Variants in PXDNL observed in about 807,000 individuals in gnomAD.
The protein encoded by PXDNL is peroxidasin like.
PXDNL carries 145 observed loss-of-function variants against 150.8 expected under a neutral mutation model. The ratio of observed to expected loss-of-function variants is 0.96; its 90% CI spans 0.84 to 1.10. The LOEUF (loss-of-function observed/expected upper bound fraction) is 1.10, where lower values mean the gene tolerates loss of function less well. Ranked by LOEUF, PXDNL falls within the 50% of genes least tolerant of loss-of-function variation. PXDNL has a pLI of 0.00. For missense variants in PXDNL, 2,087 were observed against 1,873.9 expected, an observed-to-expected ratio of 1.11 and a Z score of -2.10; for synonymous variants, 757 against 725.7, an observed-to-expected ratio of 1.04 and a Z score of -0.69.
intron 4 of PXDNL, among the ~76,000 whole-genome samples, chr8:51,532,777 T>C (rs1197221267): frequency 1.3e-5 from 2 of 152,196 alleles, no homozygotes; most frequent in East Asian, 1.9e-4. Context: ...CCCTGGAACA[T>C]GGATGCAGAG....
chr8:51,516,360 G>C (rs1811539413), intron 4 of PXDNL, among the ~76,000 whole-genome samples: 2 of 152,122 alleles, frequency 1.3e-5, no homozygotes, highest in Non-Finnish European at 2.9e-5. Flanking sequence ...ATTTTCACTT[G>C]GGCTGTAGAG....
At chr8:51,801,043 T>C (rs1002699258) in intron 1 of PXDNL, among the ~76,000 whole-genome samples, 2 of 152,172 alleles carry the variant, frequency 1.3e-5, no homozygotes, top group African/African-American at 4.8e-5. Context: ...ATTTTTCTTT[T>C]TGCAGAGAGC....
At position 51,725,041 on chromosome 8, in the gene PXDNL, G is replaced by A. The variant is rs115437086; in HGVS notation, c.165-70281C>T. Among the ~76,000 whole-genome samples the A allele has an allele frequency of 6.0e-3, 914 of 152,092 alleles. 12 individuals are homozygous for A. Among genetic ancestry groups the A allele is most frequent in the African/African-American group, 0.021 (871 of 41,472 alleles). ...CTCACTCTGTCACCCAGGCTGGAGT[G>A]CAGTGGCACCATTATGGCTCTCTGC... is the stretch of plus-strand genomic sequence containing the variant. On this transcript the variant is annotated intron_variant, in intron 1 of 22. Coordinates refer to ENST00000356297, the MANE Select transcript of PXDNL (RefSeq NM_144651.5).
At chr8:51,446,312 A>G (rs1046677749) in intron 12 of PXDNL, among the ~76,000 whole-genome samples, 3 of 152,254 alleles carry the variant, frequency 2.0e-5, no homozygotes, top group Non-Finnish European at 4.4e-5. Flanking sequence ...TTAGGAAATT[A>G]TATCAAAATG....
At chr8:51,380,146 A>G (rs2130807858) in intron 17 of PXDNL, among the ~76,000 whole-genome samples, 1 of 152,260 alleles carries the variant, frequency 6.6e-6, no homozygotes, top group Non-Finnish European at 1.5e-5. Flanking sequence ...AAAAATAACA[A>G]AAAAACTCAT....
intron 3 of PXDNL, among the ~76,000 whole-genome samples, chr8:51,565,341 GATAA>G (rs1333328349): frequency 5.6e-5 from 8 of 142,632 alleles, no homozygotes; most frequent in South Asian, 2.2e-4. Context: ...TAGATAGATA[GATAA>G]ATAAATAAAT....
chr8:51,538,572 G>T (rs898203557), intron 4 of PXDNL, among the ~76,000 whole-genome samples: 13 of 151,988 alleles, frequency 8.6e-5, no homozygotes, highest in African/African-American at 3.1e-4. Flanking sequence ...TTGAGACCAG[G>T]CTGGCCAACA....
chr8:51,586,814 A>G (rs1466661347), intron 3 of PXDNL, among the ~76,000 whole-genome samples: 1 of 152,242 alleles, frequency 6.6e-6, no homozygotes, highest in East Asian at 1.9e-4. Flanking sequence ...GGAGTTCAAA[A>G]GGACAAAGCT....
At chr8:51,552,707 G>A (rs893200000) in intron 4 of PXDNL, among the ~76,000 whole-genome samples, 2 of 152,132 alleles carry the variant, frequency 1.3e-5, no homozygotes, top group African/African-American at 2.4e-5. Context: ...AGGGATCAAA[G>A]ACTACACATT....
intron 19 of PXDNL, among the ~76,000 whole-genome samples, chr8:51,361,937 C>CAAAAAAAA (rs57092440): frequency 0.01 from 587 of 58,004 alleles, 3 homozygotes; most frequent in Non-Finnish European, 0.013. Flanking sequence ...GATTCCATCT[C>CAAAAAAAA]AAAAAAAAAA....
intron 1 of PXDNL, among the ~76,000 whole-genome samples, chr8:51,771,570 A>T (rs939133062): frequency 2.0e-5 from 3 of 152,134 alleles, no homozygotes; most frequent in African/African-American, 7.2e-5. Context: ...AGGAAAGACG[A>T]CCCTGCAAGT....
chr8:51,724,151 C>T, intron 1 of PXDNL, among the ~76,000 whole-genome samples: 1 of 151,986 alleles, frequency 6.6e-6, no homozygotes, highest in Admixed American at 6.6e-5. Flanking sequence ...CGGGTGGAGA[C>T]TGTTGGCCAG....
At chr8:51,540,891 A>G in intron 4 of PXDNL, among the ~76,000 whole-genome samples, 1 of 151,498 alleles carries the variant, frequency 6.6e-6, no homozygotes, top group East Asian at 1.9e-4. Context: ...CTTGCCTGGT[A>G]ATTTTTGACT....
intron 17 of PXDNL, among the ~76,000 whole-genome samples, chr8:51,389,265 A>T (rs924314175): frequency 2.0e-5 from 3 of 152,104 alleles, no homozygotes; most frequent in African/African-American, 7.2e-5. Flanking sequence ...GCTGTTTTTC[A>T]TGTTAATTTA....
Position 51,727,453 on chromosome 8 carries a change from G to C in PXDNL, c.165-72693C>G, listed in dbSNP as rs78840957. On this transcript the variant is annotated intron_variant, in intron 1 of 22. Transcript: ENST00000356297. The stretch of plus-strand genomic sequence containing the variant: ...TACTATAAAAACATTTCTCTTCATG[G>C]CAATGCTGGTGTTTACAATTGTCTA... 3.6e-3 allele frequency among the ~76,000 whole-genome samples: 546 copies of C among 152,180 alleles called. 5 individuals carry two copies. The highest frequency in any genetic ancestry group is 0.012 in the African/African-American group (518 of 41,516).
chr8:51,526,256 C>T (rs1218231641), intron 4 of PXDNL, among the ~76,000 whole-genome samples: 2 of 151,988 alleles, frequency 1.3e-5, no homozygotes, highest in Non-Finnish European at 2.9e-5. Flanking sequence ...AGGGCACAGA[C>T]GGCATAACAG....
chr8:51,487,402 C>T (rs878887197), intron 5 of PXDNL, among the ~76,000 whole-genome samples: 1 of 151,916 alleles, frequency 6.6e-6, no homozygotes, highest in East Asian at 1.9e-4. Flanking sequence ...GCTCCTACTC[C>T]TTGAGAAAAC....
intron 1 of PXDNL, among the ~76,000 whole-genome samples, chr8:51,783,975 C>T (rs1174354176): frequency 6.7e-6 from 1 of 149,830 alleles, no homozygotes; most frequent in Non-Finnish European, 1.5e-5. Context: ...CTGAAAGATA[C>T]ACAGACTGTG....
intron 1 of PXDNL, among the ~76,000 whole-genome samples, chr8:51,674,203 C>T (rs1281911567): frequency 6.6e-6 from 1 of 152,166 alleles, no homozygotes; most frequent in African/African-American, 2.4e-5. Context: ...AGAAGGCACT[C>T]TATTGCATAT....
Sources: allele counts gnomAD v4.1 joint callset (sites outside exome capture counted in the v4.1 genomes callset), GRCh38; gene constraint gnomAD v4.1.1; transcripts MANE v1.5; gene names NCBI Gene and HGNC (gene_info 2026-07-23, HGNC 2026-07-21).